Variants in SPATS2 observed in about 807,000 individuals in gnomAD.
The protein encoded by SPATS2 is spermatogenesis-associated serine-rich protein 2.
A neutral mutation model predicts 63.7 loss-of-function variants in SPATS2; 38 were observed. The observed-to-expected ratio is 0.60, with a 90% confidence interval of 0.46 to 0.78. The LOEUF is 0.78. Ranked by LOEUF, SPATS2 falls within the 30% of genes least tolerant of loss-of-function variation. The probability of loss-of-function intolerance (pLI) is 0.00; values close to 1 mark genes in which losing one functional copy is unlikely to be tolerated. For synonymous variants in SPATS2, 207 were observed against 232.9 expected, an observed-to-expected ratio of 0.89 and a Z score of 1.01; for missense variants, 588 against 666.2, an observed-to-expected ratio of 0.88 and a Z score of 1.29.
At chr12:49,491,398 T>G (rs933508034) in intron 6 of SPATS2, among the ~76,000 whole-genome samples, 1 of 152,092 alleles carries the variant, frequency 6.6e-6, no homozygotes, top group African/African-American at 2.4e-5. Flanking sequence ...GTAGTCCTGA[T>G]ATTAATGAGC....
At position 49,387,743 on chromosome 12, in the gene SPATS2, A is replaced by G. The variant is rs570107236; in HGVS notation, c.-244+16453A>G. On this transcript the variant is annotated intron_variant, in intron 2 of 13. Transcript: ENST00000552918. ...ATAAGCAGAGATAAAGAACCTGAAGAGATTAGGCCTGGTGGAGAGCAGGCA... is the reference window on the plus strand; with the variant it reads ...ATAAGCAGAGATAAAGAACCTGAAGGGATTAGGCCTGGTGGAGAGCAGGCA... Among the ~76,000 whole-genome samples, 13 of 150,826 alleles carry G rather than the reference A, an allele frequency of 8.6e-5. No homozygotes were observed. In the East Asian group the frequency reaches 2.3e-3, roughly 27 times the overall value.
At chr12:49,473,427 A>T (rs1332514214) in intron 3 of SPATS2, among the ~76,000 whole-genome samples, 1 of 152,126 alleles carries the variant, frequency 6.6e-6, no homozygotes, top group Non-Finnish European at 1.5e-5. Flanking sequence ...ACACACATAC[A>T]CACAAAAAAA....
At chr12:49,503,286 G>C (rs1946597188) in intron 9 of SPATS2, among the ~76,000 whole-genome samples, 1 of 150,436 alleles carries the variant, frequency 6.6e-6, no homozygotes, top group East Asian at 2.0e-4. Flanking sequence ...GGAGGTGGAG[G>C]TTGCAGTGAG....
At position 49,373,973 on chromosome 12, in the gene SPATS2, T is replaced by C. The variant is rs7974420; in HGVS notation, c.-244+2683T>C. ...GTGGTTGGCGCCTGTAGTCATAGCTTTTCTGGGGAGGATGAGGCAAAAGGA... is the reference window on the plus strand; with the variant it reads ...GTGGTTGGCGCCTGTAGTCATAGCTCTTCTGGGGAGGATGAGGCAAAAGGA... On this transcript the variant is annotated intron_variant, in intron 2 of 13. Transcript: ENST00000552918. 2.9e-3 allele frequency among the ~76,000 whole-genome samples: 440 copies of C among 151,680 alleles called. 2 individuals are homozygous for C. The highest frequency in any genetic ancestry group is 0.01 in the African/African-American group (419 of 41,308).
chr12:49,440,102 G>T (rs1221575103), intron 2 of SPATS2, among the ~76,000 whole-genome samples: 2 of 152,132 alleles, frequency 1.3e-5, no homozygotes, highest in Non-Finnish European at 2.9e-5. Flanking sequence ...TGTCACGTTT[G>T]CTTTATCATT....
At chr12:49,379,739 G>C (rs1034826100) in intron 2 of SPATS2, among the ~76,000 whole-genome samples, 5 of 147,690 alleles carry the variant, frequency 3.4e-5, no homozygotes, top group Non-Finnish European at 4.5e-5. Flanking sequence ...TCTCCTGTCT[G>C]AGCCTCCCGA....
intron 2 of SPATS2, among the ~76,000 whole-genome samples, chr12:49,436,649 CAGA>C: frequency 1.5e-5 from 2 of 129,670 alleles, no homozygotes; most frequent in Non-Finnish European, 1.7e-5. Context: ...GCTGGCCGGG[CAGA>C]GGGGCTCCTC....
chr12:49,510,461 G>T (rs2138017095), intron 9 of SPATS2, among the ~76,000 whole-genome samples: 2 of 147,404 alleles, frequency 1.4e-5, no homozygotes, highest in South Asian at 4.4e-4. Flanking sequence ...CTACTTAGAG[G>T]GCTGAGGCGG....
At chr12:49,433,414 C>T (rs12310836) in intron 2 of SPATS2, among the ~76,000 whole-genome samples, 23,984 of 152,186 alleles carry the variant, frequency 0.16, 2,600 homozygotes, top group African/African-American at 0.31. Context: ...CTGCCGACCT[C>T]GGCCTCCCAA....
chr12:49,410,333 C>T (rs1944775961), intron 2 of SPATS2, among the ~76,000 whole-genome samples: 1 of 152,120 alleles, frequency 6.6e-6, no homozygotes, highest in South Asian at 2.1e-4. Context: ...ACCTCGGCCT[C>T]CCAAAGCACT....
At chr12:49,446,917 ATTTTC>A (rs1016418562) in intron 2 of SPATS2, among the ~76,000 whole-genome samples, 10 of 149,248 alleles carry the variant, frequency 6.7e-5, no homozygotes, top group African/African-American at 1.5e-4. Context: ...ATGTTCTTCT[ATTTTC>A]TTTTCTTTTC....
intron 2 of SPATS2, chr12:49,389,882 A>G (rs1944390121): frequency 6.0e-6 from 5 of 827,936 alleles, no homozygotes; most frequent in Non-Finnish European, 1.1e-5. Flanking sequence ...ATCCGGGAAA[A>G]ATAATGAAGT....
At chr12:49,446,768 G>A (rs1945518084) in intron 2 of SPATS2, among the ~76,000 whole-genome samples, 1 of 152,178 alleles carries the variant, frequency 6.6e-6, no homozygotes, top group Admixed American at 6.5e-5. Context: ...TTTAAGGTCT[G>A]TGACATTAAT....
At chr12:49,495,038 C>A in intron 7 of SPATS2, 36 bp downstream of exon 7, 1 of 1,500,948 alleles carries the variant, frequency 6.7e-7, no homozygotes, top group South Asian at 1.4e-5. Context: ...AAGTTGCATT[C>A]AGTTGAAAAA....
At chr12:49,374,985 A>AAG (rs1406101339) in intron 2 of SPATS2, among the ~76,000 whole-genome samples, 5 of 148,714 alleles carry the variant, frequency 3.4e-5, no homozygotes, top group African/African-American at 9.8e-5. Context: ...AAAAAAAAAA[A>AAG]GGCATAGGTT....
At chr12:49,456,082 GT>G (rs1193004850) in intron 2 of SPATS2, among the ~76,000 whole-genome samples, 1 of 152,074 alleles carries the variant, frequency 6.6e-6, no homozygotes, top group Non-Finnish European at 1.5e-5. Context: ...TGGGTATGGG[GT>G]TTTTCTGTGC....
At chr12:49,513,028 C>T (rs569428599) in intron 9 of SPATS2, 1 of 690,552 alleles carries the variant, frequency 1.4e-6, no homozygotes, top group African/African-American at 1.9e-5. Context: ...TGTTTATTAA[C>T]ATCATGCGTA....
At chr12:49,489,375 A>C (rs1005977620) in intron 4 of SPATS2, 90 bp from the exon 5 acceptor site, 1 of 907,566 alleles carries the variant, frequency 1.1e-6, no homozygotes, top group Non-Finnish European at 1.7e-6. Flanking sequence ...TAAAAATGAA[A>C]TATCACTCTT....
intron 2 of SPATS2, among the ~76,000 whole-genome samples, chr12:49,436,610 AC>A (rs1220918832): frequency 3.9e-5 from 4 of 103,192 alleles, no homozygotes; most frequent in Admixed American, 1.0e-4. Context: ...CCGGGGGCTG[AC>A]CCCCCCACCT....
Sources: allele counts gnomAD v4.1 joint callset (sites outside exome capture counted in the v4.1 genomes callset), GRCh38; gene constraint gnomAD v4.1.1; transcripts MANE v1.5; gene names NCBI Gene and HGNC (gene_info 2026-07-23, HGNC 2026-07-21).